R3HDM2: variants seen among roughly 807,000 people sequenced by gnomAD.
The protein encoded by R3HDM2 is R3H domain-containing protein 2.
In R3HDM2, 38 loss-of-function variants were observed where a neutral mutation model predicts 124.5. The ratio of observed to expected loss-of-function variants is 0.31; its 90% CI spans 0.24 to 0.40. R3HDM2 has a LOEUF of 0.40. Ranked by LOEUF, R3HDM2 falls within the 10% of genes least tolerant of loss-of-function variation. R3HDM2 has a pLI of 1.00. For synonymous variants in R3HDM2, 391 were observed against 448.0 expected (o/e 0.87, Z 1.61); for missense variants, 869 against 1,236.9 (o/e 0.70, Z 4.46).
chr12:57,274,393 G>C (rs1426654023), intron 14 of R3HDM2, among the ~76,000 whole-genome samples: 1 of 152,174 alleles, frequency 6.6e-6, no homozygotes, highest in East Asian at 1.9e-4. Context: ...AGAATCGCTT[G>C]AACCTGGGAG....
In R3HDM2 at chr12:57,296,960, C is replaced by T; in HGVS notation, c.560+368G>A. 1 of 218,318 alleles carries T rather than the reference C, an allele frequency of 4.6e-6. No homozygotes were observed. The highest frequency in any genetic ancestry group is 9.1e-6 in the Non-Finnish European group (1 of 110,100). 13.5% of individuals were successfully genotyped at this position (218,318 alleles called of 1,614,324 possible). On this transcript the variant is annotated intron_variant, in intron 8 of 23. Transcript: ENST00000402412. The surrounding 1 kb of genome is among the most constrained non-coding windows in gnomAD (Gnocchi z 4.5). ...CATCCCAGCTACTCAATGGCTGAGG[C>T]ACAAGAATCACTTGAACCCAGGAGG...
At chr12:57,358,124 G>A (rs553049035) in intron 2 of R3HDM2, among the ~76,000 whole-genome samples, 50 of 148,114 alleles carry the variant, frequency 3.4e-4, no homozygotes, top group African/African-American at 9.2e-4. Flanking sequence ...GACTACAGGC[G>A]CGTGACGCTA....
chr12:57,330,847 C>T (rs1265082711), intron 2 of R3HDM2, among the ~76,000 whole-genome samples: 2 of 151,522 alleles, frequency 1.3e-5, no homozygotes, highest in South Asian at 2.1e-4. Flanking sequence ...TACAGGCACC[C>T]GCCACCACGC....
intron 2 of R3HDM2, among the ~76,000 whole-genome samples, chr12:57,327,956 G>A (rs979016850): frequency 9.9e-5 from 15 of 152,140 alleles, no homozygotes; most frequent in African/African-American, 2.9e-4. Flanking sequence ...GGGTTTGAGA[G>A]GACTGACTCC....
At chr12:57,363,408 A>ATTAGAAAC (rs760939248) in intron 2 of R3HDM2, among the ~76,000 whole-genome samples, 84 of 152,214 alleles carry the variant, frequency 5.5e-4, no homozygotes, top group Middle Eastern at 3.2e-3. Flanking sequence ...CCTTATACTC[A>ATTAGAAAC]TTAGAAACAA....
At chr12:57,319,933 T>A (rs2056033324) in intron 2 of R3HDM2, among the ~76,000 whole-genome samples, 2 of 152,006 alleles carry the variant, frequency 1.3e-5, no homozygotes, top group Admixed American at 1.3e-4. Flanking sequence ...AAACAATTTT[T>A]TCTGGGCCAA....
At chr12:57,417,676 T>C (rs1489924014) in intron 1 of R3HDM2, among the ~76,000 whole-genome samples, 3 of 152,230 alleles carry the variant, frequency 2.0e-5, no homozygotes, top group Admixed American at 1.3e-4. Context: ...CAAAGAATTA[T>C]AATGCATTCC....
chr12:57,322,152 G>C (rs1455198912), intron 2 of R3HDM2, among the ~76,000 whole-genome samples: 1 of 152,172 alleles, frequency 6.6e-6, no homozygotes, highest in African/African-American at 2.4e-5. Flanking sequence ...GGAGGCGGAG[G>C]TTGCAGTGAG....
At chr12:57,364,137 C>T (rs529054757) in intron 2 of R3HDM2, among the ~76,000 whole-genome samples, 5 of 130,654 alleles carry the variant, frequency 3.8e-5, no homozygotes, top group Admixed American at 9.6e-5. Context: ...AGCACAGACT[C>T]GGTGTCTTTT....
intron 1 of R3HDM2, among the ~76,000 whole-genome samples, chr12:57,425,955 C>T (rs1242515890): frequency 1.3e-5 from 2 of 150,042 alleles, no homozygotes; most frequent in Non-Finnish European, 3.0e-5. Context: ...AGGTCAGGCG[C>T]GGTGGCTCAT....
intron 2 of R3HDM2, among the ~76,000 whole-genome samples, chr12:57,370,596 C>T (rs1019109326): frequency 1.3e-5 from 2 of 151,972 alleles, no homozygotes; most frequent in Admixed American, 6.6e-5. Context: ...GCCAAGATCG[C>T]GCCATTGCAC....
At chr12:57,348,684 A>T (rs2060298427) in intron 2 of R3HDM2, among the ~76,000 whole-genome samples, 1 of 118,596 alleles carries the variant, frequency 8.4e-6, no homozygotes, top group Non-Finnish European at 1.7e-5. Context: ...ACAGAGCGAG[A>T]CTCCGTCTCA....
chr12:57,393,483 CAAAAT>C (rs1007155505), intron 2 of R3HDM2, among the ~76,000 whole-genome samples: 1 of 151,698 alleles, frequency 6.6e-6, no homozygotes, highest in Non-Finnish European at 1.5e-5. Context: ...TCATCTCTAA[CAAAAT>C]AAAATAAAAC....
chr12:57,427,504 C>A (rs1371979049), intron 1 of R3HDM2, among the ~76,000 whole-genome samples: 2 of 150,426 alleles, frequency 1.3e-5, no homozygotes, highest in Admixed American at 6.6e-5. Flanking sequence ...CGTGTACCAC[C>A]ACACCCAGCT....
chr12:57,313,575 A>AT (rs796344007), intron 2 of R3HDM2, among the ~76,000 whole-genome samples: 4 of 150,770 alleles, frequency 2.7e-5, no homozygotes, highest in South Asian at 2.1e-4. Context: ...AAAAAAAAAA[A>AT]AATAATAATA....
chr12:57,316,447 AT>A (rs936763337), intron 2 of R3HDM2, among the ~76,000 whole-genome samples: 1 of 152,242 alleles, frequency 6.6e-6, no homozygotes, highest in African/African-American at 2.4e-5. Flanking sequence ...TTTATTTAAA[AT>A]TTTTTTAAGC....
chr12:57,368,438 T>C (rs187622783), intron 2 of R3HDM2, among the ~76,000 whole-genome samples: 76 of 152,294 alleles, frequency 5.0e-4, no homozygotes, highest in African/African-American at 1.7e-3. Flanking sequence ...TTGATAATGA[T>C]TTACTAGGGG....
At chr12:57,371,907 G>T (rs1230032850) in intron 2 of R3HDM2, among the ~76,000 whole-genome samples, 1 of 152,106 alleles carries the variant, frequency 6.6e-6, no homozygotes, top group Non-Finnish European at 1.5e-5. Context: ...CGCTCTTGTT[G>T]CCCAGGCTGG....
intron 2 of R3HDM2, among the ~76,000 whole-genome samples, chr12:57,386,591 G>A (rs1041996158): frequency 1.3e-5 from 2 of 151,660 alleles, no homozygotes; most frequent in Non-Finnish European, 2.9e-5. Flanking sequence ...CCTCCCTGAC[G>A]AGCGCCGCCC....
Sources: allele counts gnomAD v4.1 joint callset (sites outside exome capture counted in the v4.1 genomes callset), GRCh38; gene constraint gnomAD v4.1.1; non-coding constraint Gnocchi (gnomAD v3.1); transcripts MANE v1.5; gene names NCBI Gene and HGNC (gene_info 2026-07-23, HGNC 2026-07-21).